The following TNS3 variants were observed in gnomAD, a reference collection of about 807,000 sequenced individuals.
The protein encoded by TNS3 is tensin-3.
In TNS3, 45 loss-of-function variants were observed where a neutral mutation model predicts 140.9. The observed-to-expected ratio is 0.32, with a 90% CI of 0.25 to 0.41. The LOEUF (loss-of-function observed/expected upper bound fraction) is 0.41. Among genes scored for constraint, TNS3 ranks in the 10% least tolerant of loss-of-function variants. The probability of loss-of-function intolerance (pLI) is 1.00; values close to 1 mark genes in which losing one functional copy is unlikely to be tolerated. For missense variants in TNS3, 1,716 were observed against 1,906.7 expected, an observed-to-expected ratio of 0.90 and a Z score of 1.86; for synonymous variants, 815 against 788.4, an observed-to-expected ratio of 1.03 and a Z score of -0.56.
At chr7:47,283,024 C>T (rs1427295132) in intron 28 of TNS3, among the ~76,000 whole-genome samples, 3 of 152,168 alleles carry the variant, frequency 2.0e-5, no homozygotes, top group African/African-American at 7.2e-5. Context: ...CATGCTGCTG[C>T]CACGGTTGAT....
At chr7:47,291,286 A>G (rs924191501) in intron 27 of TNS3, among the ~76,000 whole-genome samples, 10 of 152,186 alleles carry the variant, frequency 6.6e-5, no homozygotes, top group African/African-American at 2.2e-4. Context: ...CCAAACCTGT[A>G]GAATGCATGA....
chr7:47,516,617 T>C (rs1798785871), intron 2 of TNS3, among the ~76,000 whole-genome samples: 1 of 152,150 alleles, frequency 6.6e-6, no homozygotes, highest in Non-Finnish European at 1.5e-5. Flanking sequence ...TCCAACTCAG[T>C]AAGCAGCACC....
rs1784548989 is a variant in TNS3, at chr7:47,582,067, C to T, written c.-281G>A. The stretch of plus-strand genomic sequence containing the variant: ...CCCCAGTACCTGGGGGAGCCTGAGG[C>T]GCGGTCCGGCAGGGCGATGGCCGCA... On this transcript the variant is annotated 5_prime_UTR_variant, in exon 1 of 31. Coordinates refer to ENST00000311160, the MANE Select transcript of TNS3 (RefSeq NM_022748.12). 2 of 152,044 alleles carry T rather than the reference C, an allele frequency of 1.3e-5. No individual in the cohort carries two copies. The highest frequency in any genetic ancestry group is 2.4e-5 in the African/African-American group (1 of 41,432). The allele number at this position is 152,044 out of a possible 1,614,324, so 9.4% of individuals were successfully genotyped here.
At chr7:47,520,185 T>C (rs1584804323) in intron 2 of TNS3, among the ~76,000 whole-genome samples, 1 of 152,140 alleles carries the variant, frequency 6.6e-6, no homozygotes, top group Non-Finnish European at 1.5e-5. Flanking sequence ...GATACCCACG[T>C]GGGCTCCGTG....
chr7:47,384,861 G>A (rs1000801537), intron 16 of TNS3, among the ~76,000 whole-genome samples: 6 of 152,132 alleles, frequency 3.9e-5, no homozygotes, highest in Non-Finnish European at 2.9e-5. Context: ...TGTGGCCCAC[G>A]TCCATGCCCC....
chr7:47,351,304 G>A (rs1000057096), intron 17 of TNS3, among the ~76,000 whole-genome samples: 4 of 152,202 alleles, frequency 2.6e-5, no homozygotes, highest in Admixed American at 2.0e-4. Context: ...AATGTGGGAG[G>A]TAGTTTTCTG....
At chr7:47,472,432 T>G (rs1265040471) in intron 4 of TNS3, among the ~76,000 whole-genome samples, 4 of 152,200 alleles carry the variant, frequency 2.6e-5, no homozygotes, top group Non-Finnish European at 5.9e-5. Context: ...AAGGAGCCCA[T>G]TGGCTTGCCC....
At chr7:47,445,879 A>T (rs146262826) in intron 4 of TNS3, among the ~76,000 whole-genome samples, 99 of 152,342 alleles carry the variant, frequency 6.5e-4, no homozygotes, top group Middle Eastern at 6.8e-3. Flanking sequence ...CTTTATTTGA[A>T]AGTAAACAAT....
chr7:47,517,730 G>A (rs1450463512), intron 2 of TNS3, among the ~76,000 whole-genome samples: 11 of 152,188 alleles, frequency 7.2e-5, no homozygotes, highest in African/African-American at 2.2e-4. Context: ...AACAGGAACC[G>A]TGGATTCAAT....
chr7:47,381,325 T>C (rs1015191519), intron 16 of TNS3, among the ~76,000 whole-genome samples: 4 of 152,238 alleles, frequency 2.6e-5, no homozygotes, highest in African/African-American at 9.6e-5. Context: ...GAATGTTCAC[T>C]GCACACAGCA....
rs1479372393 is a variant in TNS3, at chr7:47,407,108, G to T, written c.723+4619C>A. The stretch of plus-strand genomic sequence containing the variant: ...TGCAACCGCATTTTTTTCTTCCTGT[G>T]TTGTTCCCTTAGGTCGTTTTCAGAG... On this transcript the variant is annotated intron_variant, in intron 13 of 30. Coordinates refer to ENST00000311160, the MANE Select transcript of TNS3 (RefSeq NM_022748.12). This position sits in a 1 kb window ranked among gnomAD's most constrained non-coding sequence, Gnocchi z 4.1. Among the ~76,000 whole-genome samples the T allele has an allele frequency of 2.0e-5, 3 of 152,132 alleles. No homozygotes were observed. Among genetic ancestry groups the T allele is most frequent in the East Asian group, 3.9e-4 (2 of 5,190 alleles).
chr7:47,578,250 C>T (rs1800720034), intron 1 of TNS3, among the ~76,000 whole-genome samples: 1 of 152,074 alleles, frequency 6.6e-6, no homozygotes, highest in Non-Finnish European at 1.5e-5. Context: ...GCAGAGATTG[C>T]AGTGAGCTGA....
chr7:47,292,176 A>G lies in TNS3; in HGVS notation c.3851-144T>C, dbSNP rs113907030. The G allele has an allele frequency of 1.8e-3, 1,354 of 750,874 alleles. 13 individuals carry two copies. In the African/African-American group the frequency reaches 0.021, roughly 11 times the overall value. 46.5% of individuals were successfully genotyped at this position (750,874 alleles called of 1,614,324 possible). A position where few individuals can be genotyped will look rare whatever the true frequency, so the allele number is the denominator to read the frequency against. Reference sequence around the variant, plus strand: ...GAGTCAAGAGTTTCTCTTTGGGACAATAATTTGGCCCATAGAAACCATGAT... The same window carrying G: ...GAGTCAAGAGTTTCTCTTTGGGACAGTAATTTGGCCCATAGAAACCATGAT... On this transcript the variant is annotated intron_variant, in intron 26 of 30. Coordinates refer to ENST00000311160, the MANE Select transcript of TNS3 (RefSeq NM_022748.12).
At chr7:47,441,550 C>T (rs1795465955) in intron 5 of TNS3, among the ~76,000 whole-genome samples, 1 of 152,208 alleles carries the variant, frequency 6.6e-6, no homozygotes, top group African/African-American at 2.4e-5. Flanking sequence ...TTTTCTCTAC[C>T]TTATTTATCA....
intron 20 of TNS3, among the ~76,000 whole-genome samples, chr7:47,308,686 T>C (rs1786898644): frequency 6.6e-6 from 1 of 152,224 alleles, no homozygotes; most frequent in South Asian, 2.1e-4. Flanking sequence ...TCATGCTCCA[T>C]CTAGTGCAAG....
chr7:47,567,423 A>T (rs566271549), intron 1 of TNS3, among the ~76,000 whole-genome samples: 1 of 152,268 alleles, frequency 6.6e-6, no homozygotes, highest in Admixed American at 6.5e-5. Context: ...AGTGGCTCAC[A>T]CCTGTAATCC....
At chr7:47,476,188 C>T (rs1016607138) in intron 4 of TNS3, among the ~76,000 whole-genome samples, 23 of 152,148 alleles carry the variant, frequency 1.5e-4, no homozygotes, top group African/African-American at 5.3e-4. Flanking sequence ...GAGCTGGTGG[C>T]GTCCTCATTT....
At chr7:47,394,205 G>A (rs1792695417) in intron 16 of TNS3, among the ~76,000 whole-genome samples, 2 of 152,218 alleles carry the variant, frequency 1.3e-5, no homozygotes, top group Admixed American at 1.3e-4. Flanking sequence ...GAATATTTGT[G>A]TCCCCTAAGA....
intron 4 of TNS3, among the ~76,000 whole-genome samples, chr7:47,456,225 G>T (rs991980083): frequency 6.6e-6 from 1 of 152,162 alleles, no homozygotes; most frequent in Admixed American, 6.5e-5. Context: ...CATCAGGAGT[G>T]GCTCCAGCAG....
Sources: allele counts gnomAD v4.1 joint callset (sites outside exome capture counted in the v4.1 genomes callset), GRCh38; gene constraint gnomAD v4.1.1; non-coding constraint Gnocchi (gnomAD v3.1); transcripts MANE v1.5; gene names NCBI Gene and HGNC (gene_info 2026-07-23, HGNC 2026-07-21).